CLOCK: variants seen among roughly 807,000 people sequenced by gnomAD.
The protein encoded by CLOCK is circadian locomoter output cycles protein kaput.
CLOCK carries 43 observed loss-of-function variants against 118.4 expected under a neutral mutation model. The ratio of observed to expected loss-of-function variants is 0.36; its 90% CI spans 0.28 to 0.47. The LOEUF (loss-of-function observed/expected upper bound fraction) is 0.47, where lower values mean the gene tolerates loss of function less well. Ranked by LOEUF, CLOCK falls within the 20% of genes least tolerant of loss-of-function variation. CLOCK has a pLI of 1.00. For synonymous variants in CLOCK, 326 were observed against 339.2 expected (o/e 0.96, Z 0.43); for missense variants, 846 against 999.9 (o/e 0.85, Z 2.08).
chr4:55,495,242 G>C (rs544140566), intron 2 of CLOCK, among the ~76,000 whole-genome samples: 1 of 151,768 alleles, frequency 6.6e-6, no homozygotes, highest in South Asian at 2.1e-4. Flanking sequence ...AAATCCTTTC[G>C]CAGTGTCTTC....
intron 3 of CLOCK, among the ~76,000 whole-genome samples, chr4:55,485,287 G>A (rs1238230327): frequency 6.6e-6 from 1 of 152,088 alleles, no homozygotes; most frequent in East Asian, 1.9e-4. Flanking sequence ...TAACAGTCTA[G>A]CACAAGATCT....
chr4:55,481,628 C>G (rs1219419221), intron 4 of CLOCK, among the ~76,000 whole-genome samples: 3 of 152,158 alleles, frequency 2.0e-5, no homozygotes, highest in Non-Finnish European at 2.9e-5. Context: ...CTATCTAGCT[C>G]ATAAAAAGGG....
intron 2 of CLOCK, among the ~76,000 whole-genome samples, chr4:55,499,806 C>T (rs951603048): frequency 6.6e-6 from 1 of 152,200 alleles, no homozygotes; most frequent in African/African-American, 2.4e-5. Flanking sequence ...TTCTTTCGCT[C>T]TGTTCCATGT....
chr4:55,486,973 T>C (rs1327777913), intron 3 of CLOCK, among the ~76,000 whole-genome samples: 1 of 152,218 alleles, frequency 6.6e-6, no homozygotes, highest in Non-Finnish European at 1.5e-5. Flanking sequence ...AGCACTTATT[T>C]GAACATTGGA....
At chr4:55,462,969 T>C (rs997603284) in intron 9 of CLOCK, among the ~76,000 whole-genome samples, 1 of 152,012 alleles carries the variant, frequency 6.6e-6, no homozygotes, top group Non-Finnish European at 1.5e-5. Flanking sequence ...TTAAAAATAA[T>C]GAAAAAGGTG....
At chr4:55,539,713 T>C (rs1577880747) in intron 1 of CLOCK, among the ~76,000 whole-genome samples, 1 of 151,306 alleles carries the variant, frequency 6.6e-6, no homozygotes, top group Admixed American at 6.6e-5. Flanking sequence ...ATCCTAAAAA[T>C]TGAAAACAAC....
At position 55,447,320 on chromosome 4, in the gene CLOCK, C is replaced by T. The variant is rs574731096; in HGVS notation, c.1539+1459G>A. On this transcript the variant is annotated intron_variant, in intron 18 of 22. Coordinates refer to ENST00000513440, the MANE Select transcript of CLOCK (RefSeq NM_004898.4). ...CAGAGGTTGCAGTAAGCCGAGATTG[C>T]GCCACTGCACTCCAGCCTGGGTGAC... 6.6e-5 allele frequency among the ~76,000 whole-genome samples: 10 copies of T among 152,048 alleles called. No homozygotes were observed. In the East Asian group the frequency reaches 1.4e-3, roughly 21 times the overall value.
At chr4:55,518,421 T>C (rs1402581433) in intron 1 of CLOCK, among the ~76,000 whole-genome samples, 2 of 152,212 alleles carry the variant, frequency 1.3e-5, no homozygotes, top group East Asian at 3.9e-4. Context: ...ATATTTATTG[T>C]TTTCCTCATG....
chr4:55,452,748 G>T (rs1724578773), intron 15 of CLOCK: 2 of 201,168 alleles, frequency 9.9e-6, no homozygotes, highest in Non-Finnish European at 2.0e-5. Flanking sequence ...TTACCTACCC[G>T]ATAAAAATAT....
At chr4:55,482,027 A>G (rs1726969290) in intron 4 of CLOCK, among the ~76,000 whole-genome samples, 1 of 152,234 alleles carries the variant, frequency 6.6e-6, no homozygotes, top group Non-Finnish European at 1.5e-5. Context: ...AAAGAAAAAA[A>G]GAGTGCTACC....
Position 55,438,326 on chromosome 4 carries a change from G to A in CLOCK, c.2317C>T (p.Pro773Ser). 1 of 1,614,102 alleles carries A rather than the reference G, an allele frequency of 6.2e-7. No individual in the cohort carries two copies. The highest frequency in any genetic ancestry group is 8.5e-7 in the Non-Finnish European group (1 of 1,180,004). ...GGCTGGGTCAGCTGAGCCTGAGATGGTTGCTGAACTGAAGTGAGCTGCTGC... is the reference window on the plus strand; with the variant it reads ...GGCTGGGTCAGCTGAGCCTGAGATGATTGCTGAACTGAAGTGAGCTGCTGC... ...QEQQLTSVQQ[P>S]SQAQLTQPPQ... The change falls in exon 22 of 23, where the codon CCA becomes TCA. Residue 773 changes from proline (P) to serine (S), a missense_variant. Pro to Ser is a moderately conservative substitution (Grantham distance 74). This residue lies in a region of CLOCK where 520 missense variants were observed against 558.0 expected (regional missense o/e 0.93). Coordinates refer to ENST00000513440, the MANE Select transcript of CLOCK (RefSeq NM_004898.4).
intron 2 of CLOCK, 36 bp downstream of exon 2, chr4:55,509,876 A>G (rs1052706898): frequency 3.9e-5 from 6 of 152,138 alleles, no homozygotes; most frequent in Admixed American, 1.3e-4. Context: ...ATTCCACCCA[A>G]CCATGATTAA....
Position 55,448,607 on chromosome 4 carries a change from T to C in CLOCK, c.1539+172A>G, listed in dbSNP as rs980695596. 6.9e-3 allele frequency among the ~76,000 whole-genome samples: 334 copies of C among 48,504 alleles called. 2 individuals carry two copies. The highest frequency in any genetic ancestry group is 0.019 in the African/African-American group (115 of 6,086). 31.8% of individuals were successfully genotyped at this position (48,504 alleles called of 152,430 possible). A position where few individuals can be genotyped will look rare whatever the true frequency, so the allele number is the denominator to read the frequency against. On this transcript the variant is annotated intron_variant, in intron 18 of 22. Transcript: ENST00000513440. ...GTGCGCGCGCGCACGCGCGCGTGTG[T>C]GTGTGTGTGTGTGTGTGTGTGTGTG...
chr4:55,455,988 T>C lies in CLOCK; in HGVS notation c.891A>G (p.Ile297Met). 1 of 1,612,382 alleles carries C rather than the reference T, an allele frequency of 6.2e-7. No individual in the cohort carries two copies. The highest frequency in any genetic ancestry group is 8.5e-7 in the Non-Finnish European group (1 of 1,178,700). Residue 297 changes from isoleucine to methionine, a missense_variant, in exon 13 of 23, where the codon ATA (isoleucine) becomes ATG (methionine). Physicochemically the swap from Ile to Met is conservative, Grantham distance 10. Transcript: ENST00000513440. ...CCAGAACTTCAAATGGCAAATACCCTATTATGGGTGGTGCCCTAAATTACA... is the reference window on the plus strand; with the variant it reads ...CCAGAACTTCAAATGGCAAATACCCCATTATGGGTGGTGCCCTAAATTACA... The part of the protein sequence containing the change: ...LFLDHRAPPI[I>M]GYLPFEVLGT...
chr4:55,543,987 C>A, intron 1 of CLOCK, among the ~76,000 whole-genome samples: 1 of 152,198 alleles, frequency 6.6e-6, no homozygotes, highest in Non-Finnish European at 1.5e-5. Flanking sequence ...CAATCCATTA[C>A]TCACTATTCA....
chr4:55,477,416 G>A (rs887656009), intron 6 of CLOCK, among the ~76,000 whole-genome samples: 1 of 151,922 alleles, frequency 6.6e-6, no homozygotes, highest in African/African-American at 2.4e-5. Flanking sequence ...AATAAATATT[G>A]ACACATTTAC....
At chr4:55,451,987 AC>A (rs778206617) in intron 15 of CLOCK, among the ~76,000 whole-genome samples, 2 of 152,064 alleles carry the variant, frequency 1.3e-5, no homozygotes, top group Non-Finnish European at 2.9e-5. Context: ...TGCCTATTTA[AC>A]TCAAGTTTTA....
chr4:55,518,180 AGGG>A (rs1729637721), intron 1 of CLOCK, among the ~76,000 whole-genome samples: 1 of 152,162 alleles, frequency 6.6e-6, no homozygotes, highest in Non-Finnish European at 1.5e-5. Flanking sequence ...TAGGGAAGGG[AGGG>A]TATAATGTCA....
Position 55,468,129 on chromosome 4 carries a change from T to A in CLOCK, c.438+2588A>T, listed in dbSNP as rs145215964. Among the ~76,000 whole-genome samples, 386 of 152,278 alleles carry A rather than the reference T, an allele frequency of 2.5e-3. 2 individuals are homozygous for A. The highest frequency in any genetic ancestry group is 8.2e-3 in the African/African-American group (342 of 41,532). ...CTGTTATAGAGATAAGCTATTTTTT[T>A]AATTTTTTTGTAGAGACAGGATGCT... On this transcript the variant is annotated intron_variant, in intron 8 of 22. Transcript: ENST00000513440.
Sources: allele counts gnomAD v4.1 joint callset (sites outside exome capture counted in the v4.1 genomes callset), GRCh38; gene constraint gnomAD v4.1.1; regional missense constraint gnomAD v4.1.1; transcripts MANE v1.5; gene names NCBI Gene and HGNC (gene_info 2026-07-23, HGNC 2026-07-21).